Variants in GPC6 observed in about 807,000 individuals in gnomAD.
The protein encoded by GPC6 is glypican-6.
GPC6 carries 14 observed loss-of-function variants against 55.2 expected under a neutral mutation model. The observed-to-expected ratio is 0.25, with a 90% confidence interval of 0.17 to 0.40. GPC6 has a LOEUF of 0.40. Among genes scored for constraint, GPC6 ranks in the 10% least tolerant of loss-of-function variants. The probability of loss-of-function intolerance (pLI) is 1.00; values close to 1 mark genes in which losing one functional copy is unlikely to be tolerated. For missense variants in GPC6, 641 were observed against 708.5 expected (o/e 0.90, Z 1.08); for synonymous variants, 278 against 259.6 (o/e 1.07, Z -0.68).
chr13:93,526,329 A>G (rs1482281135), intron 1 of GPC6, among the ~76,000 whole-genome samples: 1 of 152,066 alleles, frequency 6.6e-6, no homozygotes, highest in African/African-American at 2.4e-5. Context: ...TGATCAGTGT[A>G]AGTTTCTTTG....
At chr13:93,572,706 G>A (rs1412357685) in intron 2 of GPC6, among the ~76,000 whole-genome samples, 1 of 152,138 alleles carries the variant, frequency 6.6e-6, no homozygotes, top group East Asian at 1.9e-4. Flanking sequence ...AGTTGAATAA[G>A]CAGTCTTTTG....
intron 4 of GPC6, among the ~76,000 whole-genome samples, chr13:94,050,253 G>A (rs1470308733): frequency 2.0e-5 from 3 of 152,066 alleles, no homozygotes; most frequent in Admixed American, 6.6e-5. Flanking sequence ...AATATTTGTT[G>A]AATAAATTAC....
chr13:93,609,526 C>G (rs531483647), intron 2 of GPC6, among the ~76,000 whole-genome samples: 1 of 152,306 alleles, frequency 6.6e-6, no homozygotes, highest in African/African-American at 2.4e-5. Context: ...GTGTGAGCCA[C>G]CGCGCCCAGC....
chr13:94,200,683 A>T (rs1889720747), intron 4 of GPC6, among the ~76,000 whole-genome samples: 1 of 152,234 alleles, frequency 6.6e-6, no homozygotes, highest in African/African-American at 2.4e-5. Context: ...GTTGGAGAAA[A>T]ATTAACTCAA....
chr13:93,898,940 A>AAT (rs66531953), intron 3 of GPC6, among the ~76,000 whole-genome samples: 20,139 of 136,328 alleles, frequency 0.15, 1,397 homozygotes, highest in African/African-American at 0.19. Flanking sequence ...ATTATATATA[A>AAT]ATATATATAT....
intron 4 of GPC6, among the ~76,000 whole-genome samples, chr13:94,255,388 T>G (rs1400432511): frequency 6.6e-6 from 1 of 152,172 alleles, no homozygotes; most frequent in East Asian, 1.9e-4. Flanking sequence ...AATCCCATTT[T>G]GGAAATGACA....
intron 5 of GPC6, among the ~76,000 whole-genome samples, chr13:94,290,448 A>G (rs922391780): frequency 4.0e-5 from 6 of 150,126 alleles, no homozygotes; most frequent in African/African-American, 1.5e-4. Flanking sequence ...AAAAAAAAAA[A>G]AGAAAAAGAA....
Position 93,830,637 on chromosome 13 carries a change from A to C in GPC6, c.711+92A>C, listed in dbSNP as rs755546057. On this transcript the variant is annotated intron_variant, in intron 3 of 8. Transcript: ENST00000377047. ...TAAAAAAAAAAAAAAAAAAAAAAAA[A>C]ACCAAGGTAAAAATTCTTAATTGGT... The C allele has an allele frequency of 3.0e-4, 342 of 1,123,262 alleles. 3 individuals carry two copies. Among genetic ancestry groups the C allele is most frequent in the Middle Eastern group, 5.2e-4 (2 of 3,872 alleles). 69.6% of individuals were successfully genotyped at this position (1,123,262 alleles called of 1,614,324 possible).
chr13:94,330,307 C>T (rs1243161776), intron 6 of GPC6, among the ~76,000 whole-genome samples: 1 of 152,168 alleles, frequency 6.6e-6, no homozygotes, highest in African/African-American at 2.4e-5. Context: ...GCCAAGTGAC[C>T]TTGGGCGAGT....
At chr13:93,841,226 T>C (rs1887942238) in intron 3 of GPC6, among the ~76,000 whole-genome samples, 1 of 152,166 alleles carries the variant, frequency 6.6e-6, no homozygotes, top group Non-Finnish European at 1.5e-5. Context: ...ATAATTTTAA[T>C]AAAGCTTGAC....
At chr13:93,576,334 T>A (rs1343266672) in intron 2 of GPC6, among the ~76,000 whole-genome samples, 1 of 152,070 alleles carries the variant, frequency 6.6e-6, no homozygotes, top group Admixed American at 6.6e-5. Flanking sequence ...TTATGCACAA[T>A]ACAAAATTTT....
intron 1 of GPC6, among the ~76,000 whole-genome samples, chr13:93,262,340 A>G (rs921883656): frequency 6.6e-6 from 1 of 152,196 alleles, no homozygotes; most frequent in African/African-American, 2.4e-5. Context: ...AAAATGGGTG[A>G]AAGTGTGGAT....
chr13:93,434,530 G>T (rs7994743), intron 1 of GPC6, among the ~76,000 whole-genome samples: 32,220 of 152,030 alleles, frequency 0.21, 3,574 homozygotes, highest in Middle Eastern at 0.29. Flanking sequence ...AGCAAGAATG[G>T]ATTGTAAGCC....
At chr13:93,690,512 AT>A (rs1169403492) in intron 2 of GPC6, among the ~76,000 whole-genome samples, 1 of 151,678 alleles carries the variant, frequency 6.6e-6, no homozygotes, top group East Asian at 2.0e-4. Context: ...TCTAAAACTG[AT>A]TTTTTAATTT....
intron 8 of GPC6, among the ~76,000 whole-genome samples, chr13:94,399,634 C>T (rs567802602): frequency 6.6e-6 from 1 of 152,266 alleles, no homozygotes; most frequent in South Asian, 2.1e-4. Context: ...TAGAAGACCT[C>T]AAGTCATTTC....
In GPC6 at chr13:93,506,043, C is replaced by T. The variant is rs115231033; in HGVS notation, c.161-39220C>T. On this transcript the variant is annotated intron_variant, in intron 1 of 8. Transcript: ENST00000377047. ...TGTCATTGGATACAGTTATTGCTGC[C>T]GAGGTTATGTCCTGTGACCACTAGG... Among the ~76,000 whole-genome samples, 480 of 152,222 alleles carry T rather than the reference C, an allele frequency of 3.2e-3. 1 individual carries two copies. The highest frequency in any genetic ancestry group is 0.019 in the South Asian group (90 of 4,820).
intron 3 of GPC6, among the ~76,000 whole-genome samples, chr13:93,852,246 G>T (rs946507773): frequency 3.3e-5 from 5 of 151,652 alleles, no homozygotes; most frequent in Non-Finnish European, 7.4e-5. Flanking sequence ...CTCAGTTTTT[G>T]TTCTTGTCTA....
rs963700574 is a variant in GPC6, at chr13:93,227,823, G to C, written c.160+207G>C. ...AGGTGTGCGTCTCCGCCGCCTCATT[G>C]TGTGCACACGCGGGAGCACCCTGGC... On this transcript the variant is annotated intron_variant, in intron 1 of 8. Transcript: ENST00000377047. The surrounding 1 kb of genome is among the most constrained non-coding windows in gnomAD (Gnocchi z 4.3). Among the ~76,000 whole-genome samples, 28 of 152,120 alleles carry C rather than the reference G, an allele frequency of 1.8e-4. No individual in the cohort carries two copies. Among genetic ancestry groups the C allele is most frequent in the Non-Finnish European group, 3.5e-4 (24 of 68,012 alleles).
chr13:93,787,389 T>C (rs1885846253), intron 2 of GPC6, among the ~76,000 whole-genome samples: 1 of 152,210 alleles, frequency 6.6e-6, no homozygotes, highest in Admixed American at 6.5e-5. Flanking sequence ...CAGGAATGTG[T>C]GAACCTCTGT....
Sources: allele counts gnomAD v4.1 joint callset (sites outside exome capture counted in the v4.1 genomes callset), GRCh38; gene constraint gnomAD v4.1.1; non-coding constraint Gnocchi (gnomAD v3.1); transcripts MANE v1.5; gene names NCBI Gene and HGNC (gene_info 2026-07-23, HGNC 2026-07-21).